Variants in ALS2 observed in about 807,000 individuals in gnomAD.
The protein encoded by ALS2 is alsin.
In ALS2, 117 loss-of-function variants were observed where a neutral mutation model predicts 203.4. The ratio of observed to expected loss-of-function variants is 0.58; its 90% CI spans 0.50 to 0.67. ALS2 has a LOEUF of 0.67. Ranked by LOEUF, ALS2 falls within the 30% of genes least tolerant of loss-of-function variation. The pLI, the probability that ALS2 is intolerant of heterozygous loss-of-function variation, is 0.00. For missense variants in ALS2, 1,715 were observed against 1,989.4 expected (o/e 0.86, Z 2.62); for synonymous variants, 718 against 725.9 (o/e 0.99, Z 0.17).
In ALS2 at chr2:201,752,028, ATC is replaced by A. The variant is rs141296990; in HGVS notation, c.1737+1116_1737+1117del. On this transcript the variant is annotated intron_variant, in intron 7 of 33. Transcript: ENST00000264276. ...TTAATTTTATAATATATAAGGATAA[ATC>A]TCTCTTTTTACCTGGCTCACCTATG... Among the ~76,000 whole-genome samples the A allele has an allele frequency of 8.0e-3, 1,220 of 152,210 alleles. 12 individuals are homozygous for A. Among genetic ancestry groups the A allele is most frequent in the African/African-American group, 0.027 (1,121 of 41,522 alleles).
At position 201,746,758 on chromosome 2, in the gene ALS2, C is replaced by T. The variant is rs191447972; in HGVS notation, c.1816-10G>A. The T allele has an allele frequency of 1.2e-6, 2 of 1,613,872 alleles. No individual in the cohort carries two copies. The highest frequency in any genetic ancestry group is 2.2e-5 in the East Asian group (1 of 44,882). ...CATTTTCACTGCTTATCTGCAACGA[C>T]AGAAAGATAGTGTCTGTCCAAGATA... On this transcript the variant is annotated splice_polypyrimidine_tract_variant and intron_variant, in intron 8 of 33. Coordinates refer to ENST00000264276, the MANE Select transcript of ALS2 (RefSeq NM_020919.4).
Position 201,704,165 on chromosome 2 carries a change from T to C in ALS2, c.4892A>G (p.Tyr1631Cys), listed in dbSNP as rs771970242. ...TATACCCTGTTCCCCATGCTGAAGA[T>C]AGGGGTCCATTAGATCCTCAATGAG... ...VHLIEDLMDP[Y>C]LQHGEQGIMF... Residue 1631 changes from tyrosine (Y) to cysteine (C), a missense_variant, in exon 33 of 34, where the codon TAT becomes TGT. By Grantham distance (194) the Tyr-to-Cys change is radical. This residue lies in a region of ALS2 where 1,227 missense variants were observed against 1,413.5 expected (regional missense o/e 0.87). Transcript: ENST00000264276. 6.8e-6 allele frequency: 11 copies of C among 1,614,002 alleles called. No homozygotes were observed. Among genetic ancestry groups the C allele is most frequent in the Admixed American group, 3.3e-5 (2 of 60,002 alleles).
intron 7 of ALS2, among the ~76,000 whole-genome samples, chr2:201,750,090 C>T (rs1464917995): frequency 3.3e-5 from 5 of 151,114 alleles, no homozygotes; most frequent in Admixed American, 6.6e-5. Context: ...GGCTTGAACC[C>T]GGCAGGCAGA....
intron 8 of ALS2, among the ~76,000 whole-genome samples, chr2:201,748,880 C>A (rs1264755552): frequency 1.3e-5 from 2 of 152,226 alleles, no homozygotes; most frequent in African/African-American, 4.8e-5. Flanking sequence ...TATTTATTAA[C>A]TGTCACATTC....
At chr2:201,715,529 A>G in intron 25 of ALS2, 143 bp downstream of exon 25, 2 of 924,386 alleles carry the variant, frequency 2.2e-6, no homozygotes, top group Non-Finnish European at 1.7e-6. Context: ...GAAGATAAAG[A>G]AAGTGTGTTT....
intron 1 of ALS2, among the ~76,000 whole-genome samples, chr2:201,771,966 C>G (rs1012795260): frequency 6.6e-6 from 1 of 152,178 alleles, no homozygotes; most frequent in Non-Finnish European, 1.5e-5. Flanking sequence ...CTTGCATGGC[C>G]TCTCCACAGA....
chr2:201,744,481 A>T (rs2106051308), intron 9 of ALS2, 52 bp from the exon 10 acceptor site: 2 of 1,544,898 alleles, frequency 1.3e-6, no homozygotes, highest in East Asian at 4.7e-5. Flanking sequence ...TTATGTTACT[A>T]ATTTGGTATA....
intron 11 of ALS2, among the ~76,000 whole-genome samples, chr2:201,740,722 T>C (rs542827496): frequency 5.3e-5 from 8 of 152,162 alleles, no homozygotes; most frequent in Non-Finnish European, 1.0e-4. Flanking sequence ...ATTATATAGG[T>C]TGGAAAGGAA....
intron 1 of ALS2, among the ~76,000 whole-genome samples, chr2:201,772,413 A>C (rs966090701): frequency 1.3e-5 from 2 of 152,252 alleles, no homozygotes; most frequent in African/African-American, 4.8e-5. Flanking sequence ...TTTCAATAAC[A>C]CTTTTGGTGG....
At chr2:201,762,994 G>T in intron 3 of ALS2, 1 of 161,674 alleles carries the variant, frequency 6.2e-6, no homozygotes, top group South Asian at 1.6e-4. Flanking sequence ...TGAGATCATT[G>T]ACTTTTTCCT....
intron 25 of ALS2, among the ~76,000 whole-genome samples, chr2:201,712,842 A>G (rs1392909815): frequency 1.3e-5 from 2 of 152,096 alleles, no homozygotes; most frequent in Non-Finnish European, 2.9e-5. Context: ...CTTTTCTTTC[A>G]GTATTTTGAA....
chr2:201,714,994 C>A (rs1235258899), intron 25 of ALS2, among the ~76,000 whole-genome samples: 1 of 152,172 alleles, frequency 6.6e-6, no homozygotes, highest in Non-Finnish European at 1.5e-5. Flanking sequence ...CATCTAGGGA[C>A]AGATGGTGGG....
chr2:201,760,441 G>A, intron 4 of ALS2: 1 of 991,576 alleles, frequency 1.0e-6, no homozygotes, highest in Non-Finnish European at 1.2e-6. Context: ...TACAATTGAA[G>A]GATCTGCCAC....
chr2:201,762,835 C>A, intron 3 of ALS2: 1 of 154,140 alleles, frequency 6.5e-6, no homozygotes, highest in South Asian at 1.9e-4. Flanking sequence ...GCAGTGGCAT[C>A]TGGGGCCAGG....
chr2:201,760,541 A>C, intron 4 of ALS2: 1 of 1,056,014 alleles, frequency 9.5e-7, no homozygotes, highest in Non-Finnish European at 1.1e-6. Flanking sequence ...AATCTTTGTG[A>C]ATCTCTAGTT....
In ALS2 at chr2:201,757,396, C is replaced by T. The variant is rs199974229; in HGVS notation, c.1471+6G>A. The T allele has an allele frequency of 6.2e-6, 10 of 1,611,256 alleles. No individual in the cohort carries two copies. In the East Asian group the frequency reaches 2.2e-4, roughly 36 times the overall value. ...GTCAATTCACAAAACCTAGTTATTT[C>T]CTTACCTTGTGACAACAATCCAGGG... On this transcript the variant is annotated splice_donor_region_variant and intron_variant, in intron 5 of 33. Coordinates refer to ENST00000264276, the MANE Select transcript of ALS2 (RefSeq NM_020919.4).
At chr2:201,754,815 G>C in intron 5 of ALS2, 144 bp from the exon 6 acceptor site, 1 of 856,812 alleles carries the variant, frequency 1.2e-6, no homozygotes, top group Non-Finnish European at 1.8e-6. Flanking sequence ...TGTAGAAAAG[G>C]GGACCTGTTA....
chr2:201,744,273 G>A lies in ALS2; in HGVS notation c.2155C>T (p.Pro719Ser), dbSNP rs756309447. ...TGCAACTTACCTAAACTGAGAAGAG[G>A]CCTGAGAATCTGAGATTTGATATCA... ...LSDIKSQILR[P>S]LLSLENLGTT... Residue 719 changes from proline to serine, a missense_variant, in exon 10 of 34, where the codon CCT becomes TCT. This residue lies in a region of ALS2 where 1,227 missense variants were observed against 1,413.5 expected (regional missense o/e 0.87). Coordinates refer to ENST00000264276, the MANE Select transcript of ALS2 (RefSeq NM_020919.4). 1.2e-6 allele frequency: 2 copies of A among 1,613,880 alleles called. No homozygotes were observed. Among genetic ancestry groups the A allele is most frequent in the East Asian group, 2.2e-5 (1 of 44,876 alleles).
Position 201,704,131 on chromosome 2 carries a change from G to A in ALS2, c.4926C>T (p.Thr1642=), listed in dbSNP as rs749062399. The A allele has an allele frequency of 1.4e-5, 23 of 1,610,928 alleles. No individual in the cohort carries two copies. The South Asian group carries it at 2.4e-4, about 17-fold the overall frequency. The change falls in exon 33 of 34, where the codon ACC becomes ACT. Residue 1642 remains threonine, a synonymous_variant. Transcript: ENST00000264276. Reference sequence around the variant, plus strand: ...TAATAACTATACTCACCTTCAAGGTGGTGAACATTATACCCTGTTCCCCAT... The same window carrying A: ...TAATAACTATACTCACCTTCAAGGTAGTGAACATTATACCCTGTTCCCCAT... ...LQHGEQGIMF[T]TLKACYYQIQ...
Sources: gnomAD v4.1 joint callset for allele counts (sites outside exome capture counted in the v4.1 genomes callset) on GRCh38, gnomAD v4.1.1 for gene constraint, gnomAD v4.1.1 regional missense constraint, MANE v1.5 for transcripts, NCBI Gene and HGNC (gene_info 2026-07-23, HGNC 2026-07-21) for gene names.